The following DCBLD1 variants were observed in gnomAD, a reference collection of about 807,000 sequenced individuals.
DCBLD1 encodes the protein discoidin, CUB and LCCL domain-containing protein 1.
A neutral mutation model predicts 71.5 loss-of-function variants in DCBLD1; 57 were observed. The ratio of observed to expected loss-of-function variants is 0.80; its 90% CI spans 0.64 to 0.99. The LOEUF (loss-of-function observed/expected upper bound fraction) is 0.99, where lower values mean the gene tolerates loss of function less well. Among genes scored for constraint, DCBLD1 ranks in the 50% least tolerant of loss-of-function variants. The probability of loss-of-function intolerance (pLI) is 0.00; values close to 1 mark genes in which losing one functional copy is unlikely to be tolerated. For missense variants in DCBLD1, 891 were observed against 923.5 expected (o/e 0.96, Z 0.46); for synonymous variants, 380 against 363.8 (o/e 1.04, Z -0.51).
At chr6:117,566,914 C>A in intron 14 of DCBLD1, 1 of 1,610,668 alleles carries the variant, frequency 6.2e-7, no homozygotes, top group Non-Finnish European at 8.5e-7. Context: ...TTACCACCTC[C>A]TTCTAACTCA....
In DCBLD1 at chr6:117,543,150, C is replaced by G; in HGVS notation, c.1384C>G (p.Pro462Ala). 6.2e-7 allele frequency: 1 copy of G among 1,613,982 alleles called. No homozygotes were observed. Among genetic ancestry groups the G allele is most frequent in the Non-Finnish European group, 8.5e-7 (1 of 1,179,968 alleles). Reference protein sequence around the residue: ...TGINITTVAIPLVLLVVLVFA... With the variant: ...TGINITTVAIALVLLVVLVFA... ...AATAAACATTACAACGGTGGCTATT[C>G]CATTGGTGCTCCTTGTTGTCCTGGT... Residue 462 changes from proline (P) to alanine (A), a missense_variant, in exon 12 of 15, where the codon CCA becomes GCA. Transcript: ENST00000338728.
At chr6:117,500,961 AT>A (rs1777637001) in intron 1 of DCBLD1, among the ~76,000 whole-genome samples, 1 of 151,348 alleles carries the variant, frequency 6.6e-6, no homozygotes, top group African/African-American at 2.4e-5. Context: ...GTTGACTCAT[AT>A]AATTGCTCCT....
chr6:117,542,882 C>T (rs1375957239), intron 11 of DCBLD1, among the ~76,000 whole-genome samples: 1 of 152,060 alleles, frequency 6.6e-6, no homozygotes, highest in African/African-American at 2.4e-5. Context: ...GCCTGTTAGT[C>T]CCTGAGGAAC....
chr6:117,548,238 C>G lies in DCBLD1; in HGVS notation c.1947C>G (p.Asp649Glu). The G allele has an allele frequency of 6.4e-7, 1 of 1,550,616 alleles. No homozygotes were observed. Among genetic ancestry groups the G allele is most frequent in the Non-Finnish European group, 8.7e-7 (1 of 1,146,986 alleles). ...CCGTAGCGGGTGTGGGCGCCCAGGACGGAGACTATCAAAGGCCACACAGCG... is the reference window on the plus strand; with the variant it reads ...CCGTAGCGGGTGTGGGCGCCCAGGAGGGAGACTATCAAAGGCCACACAGCG... ...FSPVAGVGAQ[D>E]GDYQRPHSAQ... Residue 649 changes from aspartate (D) to glutamate (E), a missense_variant, in exon 15 of 15, where the codon GAC becomes GAG. By Grantham distance (45) the Asp-to-Glu change is conservative. Coordinates refer to ENST00000338728, the MANE Select transcript of DCBLD1 (RefSeq NM_001366458.2).
At chr6:117,541,431 A>G (rs1779093670) in intron 11 of DCBLD1, among the ~76,000 whole-genome samples, 1 of 152,220 alleles carries the variant, frequency 6.6e-6, no homozygotes, top group Non-Finnish European at 1.5e-5. Flanking sequence ...CCCTTTCTGC[A>G]AAAAGGAGAA....
rs972537859 is a variant in DCBLD1 at position 117,548,457 on chromosome 6, C to G, written c.*18C>G. On this transcript the variant is annotated 3_prime_UTR_variant, in exon 15 of 15. Coordinates refer to ENST00000338728, the MANE Select transcript of DCBLD1 (RefSeq NM_001366458.2). ...TTTTGTGAACACAATGTGAAAGAAG[C>G]CTGCTGTGGTACTGAGCGTCGGGCT... 3.2e-6 allele frequency: 5 copies of G among 1,550,136 alleles called. No homozygotes were observed. The Admixed American group carries it at 5.9e-5, about 18-fold the overall frequency.
At chr6:117,535,296 C>T (rs968761734) in intron 6 of DCBLD1, among the ~76,000 whole-genome samples, 7 of 152,168 alleles carry the variant, frequency 4.6e-5, no homozygotes, top group Non-Finnish European at 8.8e-5. Flanking sequence ...ATACAGAGGA[C>T]GATGGTGCTA....
chr6:117,507,048 G>A (rs907855504), intron 2 of DCBLD1, among the ~76,000 whole-genome samples: 1 of 152,174 alleles, frequency 6.6e-6, no homozygotes, highest in East Asian at 1.9e-4. Flanking sequence ...ATTTGAATGT[G>A]GAGTTAATGT....
intron 14 of DCBLD1, chr6:117,561,047 G>A (rs1387639345): frequency 4.5e-6 from 1 of 222,060 alleles, no homozygotes; most frequent in Non-Finnish European, 9.0e-6. Context: ...TCTAACACCG[G>A]ACAGGAAGCT....
chr6:117,517,506 C>T (rs1778242109), intron 2 of DCBLD1, among the ~76,000 whole-genome samples: 1 of 152,206 alleles, frequency 6.6e-6, no homozygotes, highest in South Asian at 2.1e-4. Context: ...CTGGATGGTA[C>T]CCCAGTAGGT....
At chr6:117,521,487 T>C (rs749150923) in intron 3 of DCBLD1, 38 bp from the exon 4 acceptor site, 1 of 1,513,864 alleles carries the variant, frequency 6.6e-7, no homozygotes, top group Non-Finnish European at 9.0e-7. Flanking sequence ...CTAGTTTTTA[T>C]TCATTCTATT....
chr6:117,558,410 T>C (rs1228256733), intron 14 of DCBLD1, among the ~76,000 whole-genome samples: 1 of 152,188 alleles, frequency 6.6e-6, no homozygotes, highest in African/African-American at 2.4e-5. Context: ...CCTGGAGAGT[T>C]CCCCTCTCCA....
chr6:117,556,201 A>G (rs1481880704), intron 14 of DCBLD1, among the ~76,000 whole-genome samples: 3 of 152,092 alleles, frequency 2.0e-5, no homozygotes, highest in Admixed American at 2.0e-4. Context: ...TCCATTACCT[A>G]TCTTCCTTTT....
chr6:117,537,177 T>G lies in DCBLD1; in HGVS notation c.720-8T>G. ...CTTACCTTCTCATGTTTGTCTTTAT[T>G]GTTTCAGTGGTTCCCTGTCAGACAA... On this transcript the variant is annotated splice_polypyrimidine_tract_variant and splice_region_variant and intron_variant, in intron 6 of 14. Coordinates refer to ENST00000338728, the MANE Select transcript of DCBLD1 (RefSeq NM_001366458.2). The G allele has an allele frequency of 6.2e-7, 1 of 1,614,062 alleles. No individual in the cohort carries two copies.
rs566150638 is a variant in DCBLD1, at chr6:117,564,490, C to G, written c.1616-5130C>G. Among the ~76,000 whole-genome samples the G allele has an allele frequency of 3.3e-5, 5 of 152,186 alleles. No individual in the cohort carries two copies. The South Asian group carries it at 1.0e-3, about 32-fold the overall frequency. On this transcript the variant is annotated intron_variant, in intron 14 of 14. Transcript: ENST00000296955. ...AAAACTTAAAACGAATTCTGATCAT[C>G]TATAAAATAAATAATAGGCTTATAA...
Position 117,525,788 on chromosome 6 carries a change from G to A in DCBLD1, c.585+354G>A, listed in dbSNP as rs116359465. Among the ~76,000 whole-genome samples, 297 of 152,162 alleles carry A rather than the reference G, an allele frequency of 2.0e-3. 1 individual carries two copies. The highest frequency in any genetic ancestry group is 6.4e-3 in the African/African-American group (265 of 41,520). On this transcript the variant is annotated intron_variant, in intron 5 of 14. Coordinates refer to ENST00000338728, the MANE Select transcript of DCBLD1 (RefSeq NM_001366458.2). Reference sequence around the variant, plus strand: ...AATAGAGCAAAGGACATGAATATTCGTATCATAGAATAGTGACATTGTGTC... The same window carrying A: ...AATAGAGCAAAGGACATGAATATTCATATCATAGAATAGTGACATTGTGTC...
chr6:117,523,501 A>G (rs1000884703), intron 4 of DCBLD1, among the ~76,000 whole-genome samples: 34 of 152,272 alleles, frequency 2.2e-4, no homozygotes, highest in African/African-American at 7.5e-4. Context: ...TGCAGACCCC[A>G]CCAGCGTATT....
At chr6:117,531,918 G>A (rs1166945797) in intron 5 of DCBLD1, among the ~76,000 whole-genome samples, 1 of 152,196 alleles carries the variant, frequency 6.6e-6, no homozygotes, top group East Asian at 1.9e-4. Flanking sequence ...TTGAGGGTGA[G>A]CAATTTGCCT....
rs777578276 is a variant in DCBLD1 at position 117,519,934 on chromosome 6, G to A, written c.444G>A (p.Ala148=). 7 of 1,613,810 alleles carry A rather than the reference G, an allele frequency of 4.3e-6. No homozygotes were observed. The Middle Eastern group carries it at 4.9e-4, about 114-fold the overall frequency. ...ISGRGFLLTY[A]SSDHPDLITC... is the part of the protein sequence containing the mutation. Reference sequence around the variant, plus strand: ...GCCGGGGTTTTTTGCTGACCTATGCGAGCAGCGACCATCCAGGTATAACGG... The same window carrying A: ...GCCGGGGTTTTTTGCTGACCTATGCAAGCAGCGACCATCCAGGTATAACGG... Residue 148 remains alanine, a synonymous_variant, in exon 3 of 15, where the codon GCG becomes GCA. Transcript: ENST00000338728.
Sources: gnomAD v4.1 joint callset for allele counts (sites outside exome capture counted in the v4.1 genomes callset) on GRCh38, gnomAD v4.1.1 for gene constraint, MANE v1.5 for transcripts, NCBI Gene and HGNC (gene_info 2026-07-23, HGNC 2026-07-21) for gene names.